The following POLN variants were observed in gnomAD, a reference collection of about 807,000 sequenced individuals.
The protein encoded by POLN is DNA polymerase nu.
POLN carries 108 observed loss-of-function variants against 113.5 expected under a neutral mutation model. The observed-to-expected ratio is 0.95, with a 90% CI of 0.81 to 1.12. The LOEUF (loss-of-function observed/expected upper bound fraction) is 1.12. Ranked by LOEUF, POLN falls within the 50% of genes most tolerant of loss-of-function variation. The probability of loss-of-function intolerance (pLI) is 0.00; values close to 1 mark genes in which losing one functional copy is unlikely to be tolerated. For synonymous variants in POLN, 386 were observed against 391.5 expected (o/e 0.99, Z 0.17); for missense variants, 1,097 against 1,077.1 (o/e 1.02, Z -0.26).
In POLN at chr4:2,241,572, G is replaced by A; in HGVS notation, c.-65C>T. The A allele has an allele frequency of 2.0e-6, 2 of 985,792 alleles. No homozygotes were observed. Among genetic ancestry groups the A allele is most frequent in the Non-Finnish European group, 2.4e-6 (2 of 830,212 alleles). The allele number at this position is 985,792 out of a possible 1,614,324, so 61.1% of individuals were successfully genotyped here. ...CCTCCAGAGTCCACCACCGCGACGC[G>A]GAGAACAGCAGGAGCAGCAGGGAAG... On this transcript the variant is annotated 5_prime_UTR_variant, in exon 2 of 26. Transcript: ENST00000511885.
At chr4:2,220,822 C>T (rs11946464) in intron 3 of POLN, among the ~76,000 whole-genome samples, 9 of 151,770 alleles carry the variant, frequency 5.9e-5, no homozygotes, top group African/African-American at 1.4e-4. Context: ...AGGAGGGGGC[C>T]GCAAAAAAGA....
In POLN at chr4:2,240,399, G is replaced by C. The variant is rs186855447; in HGVS notation, c.-13+1121C>G. On this transcript the variant is annotated intron_variant, in intron 2 of 25. Coordinates refer to ENST00000511885, the MANE Select transcript of POLN (RefSeq NM_181808.4). Reference sequence around the variant, plus strand: ...TGGATTTGTCCCTTGACCTAAATTAGAATGTCTGAAGAACATCATCAATTG... The same window carrying C: ...TGGATTTGTCCCTTGACCTAAATTACAATGTCTGAAGAACATCATCAATTG... 8.9e-5 allele frequency: 143 copies of C among 1,612,098 alleles called. No homozygotes were observed. The East Asian group carries it at 3.0e-3, about 34-fold the overall frequency.
intron 3 of POLN, among the ~76,000 whole-genome samples, chr4:2,224,946 G>C (rs975373818): frequency 6.6e-5 from 10 of 151,176 alleles, no homozygotes; most frequent in South Asian, 4.2e-4. Flanking sequence ...GTGAAACTCT[G>C]TCTTGGGAAA....
chr4:2,155,557 A>C (rs962714759), intron 16 of POLN, among the ~76,000 whole-genome samples: 1 of 152,154 alleles, frequency 6.6e-6, no homozygotes, highest in Non-Finnish European at 1.5e-5. Context: ...CTGACCCTTA[A>C]TGGAGGGAAC....
intron 23 of POLN, among the ~76,000 whole-genome samples, chr4:2,077,393 A>G (rs1403644028): frequency 6.6e-6 from 1 of 152,208 alleles, no homozygotes; most frequent in East Asian, 1.9e-4. Context: ...ACAGGACACT[A>G]CGTGGGCCCA....
chr4:2,228,836 T>C (rs998176188), intron 3 of POLN: 8 of 330,486 alleles, frequency 2.4e-5, no homozygotes, highest in South Asian at 1.8e-4. Flanking sequence ...CTTTTGAAAA[T>C]ACTAAAATAC....
At chr4:2,212,208 C>T (rs1411562622) in intron 4 of POLN, among the ~76,000 whole-genome samples, 3 of 152,170 alleles carry the variant, frequency 2.0e-5, no homozygotes, top group African/African-American at 7.2e-5. Context: ...TTTGGTGATA[C>T]GACCTCTCTG....
rs566140853 is a variant in POLN, at chr4:2,144,976, G to C, written c.1731+11812C>G. ...AAATAGACCAAAGGCACAGAATTGA[G>C]AGCCTAGAAACAGACCTATGCATTT... On this transcript the variant is annotated intron_variant, in intron 16 of 25. Coordinates refer to ENST00000511885, the MANE Select transcript of POLN (RefSeq NM_181808.4). Among the ~76,000 whole-genome samples, 6 of 152,306 alleles carry C rather than the reference G, an allele frequency of 3.9e-5. No homozygotes were observed. In the East Asian group the frequency reaches 9.6e-4, roughly 24 times the overall value.
intron 19 of POLN, among the ~76,000 whole-genome samples, chr4:2,096,245 G>A (rs942811795): frequency 2.6e-5 from 4 of 152,162 alleles, no homozygotes; most frequent in South Asian, 2.1e-4. Flanking sequence ...AGGAAAGGCC[G>A]TTCCCCATAT....
rs769420021 is a variant in POLN, at chr4:2,196,702, T to G, written c.908+1822A>C. Among the ~76,000 whole-genome samples the G allele has an allele frequency of 5.0e-4, 76 of 151,728 alleles. 1 individual carries two copies. Among genetic ancestry groups the G allele is most frequent in the Admixed American group, 2.0e-3 (31 of 15,268 alleles). On this transcript the variant is annotated intron_variant, in intron 6 of 25. Transcript: ENST00000511885. ...GAGGGCAAAACAATAGATTGGGAAT[T>G]TCTTTAATCCCAGTCCTCTCCCCCT...
intron 19 of POLN, among the ~76,000 whole-genome samples, chr4:2,120,341 G>A (rs1731409324): frequency 6.6e-6 from 1 of 152,066 alleles, no homozygotes; most frequent in Admixed American, 6.5e-5. Context: ...AATTTTGGGA[G>A]AATTGACATT....
At chr4:2,164,165 T>C (rs923297600) in intron 13 of POLN, among the ~76,000 whole-genome samples, 1 of 152,178 alleles carries the variant, frequency 6.6e-6, no homozygotes, top group African/African-American at 2.4e-5. Flanking sequence ...TGGACTGCAG[T>C]GACAGCCTAC....
intron 22 of POLN, 50 bp from the exon 23 acceptor site, chr4:2,081,086 G>A: frequency 6.2e-7 from 1 of 1,612,218 alleles, no homozygotes; most frequent in Non-Finnish European, 8.5e-7. Flanking sequence ...ACGGTTCATG[G>A]TGCACTCAGC....
intron 23 of POLN, among the ~76,000 whole-genome samples, chr4:2,078,223 C>A (rs1379694729): frequency 2.6e-5 from 4 of 152,240 alleles, no homozygotes; most frequent in African/African-American, 7.2e-5. Context: ...CCCAGGAAGG[C>A]CTTTTCATAA....
chr4:2,160,191 A>T (rs577147862), intron 13 of POLN, among the ~76,000 whole-genome samples: 72 of 152,294 alleles, frequency 4.7e-4, no homozygotes, highest in Non-Finnish European at 9.9e-4. Context: ...TTAGTTTGTT[A>T]TCTCCCCAGT....
chr4:2,085,554 C>T (rs973323987), intron 21 of POLN, 59 bp downstream of exon 21: 1 of 1,601,450 alleles, frequency 6.2e-7, no homozygotes. Context: ...GCAGCTGTCC[C>T]CCCATCCTCC....
intron 16 of POLN, among the ~76,000 whole-genome samples, chr4:2,149,272 C>T (rs567788582): frequency 3.3e-5 from 5 of 151,404 alleles, no homozygotes; most frequent in Admixed American, 2.0e-4. Context: ...CCAGCCTGGG[C>T]GACAGGAGTG....
intron 21 of POLN, chr4:2,082,815 T>C (rs1444006084): frequency 6.6e-6 from 1 of 152,312 alleles, no homozygotes; most frequent in Non-Finnish European, 1.5e-5. Flanking sequence ...TGCTGGGCAC[T>C]GTGAATTTTA....
Position 2,242,033 on chromosome 4 carries a change from G to A in POLN, c.-284+18C>T, listed in dbSNP as rs1043947432. ...GCCCCACACCCCTGCGCCCAGAACCGAGGCCCGCGTCAGTCACCTCAGGAA... is the reference window on the plus strand; with the variant it reads ...GCCCCACACCCCTGCGCCCAGAACCAAGGCCCGCGTCAGTCACCTCAGGAA... On this transcript the variant is annotated intron_variant, in intron 1 of 25. Coordinates refer to ENST00000511885, the MANE Select transcript of POLN (RefSeq NM_181808.4). 65 of 985,612 alleles carry A rather than the reference G, an allele frequency of 6.6e-5. No homozygotes were observed. In the African/African-American group the frequency reaches 1.0e-3, roughly 16 times the overall value. 61.1% of individuals were successfully genotyped at this position (985,612 alleles called of 1,614,324 possible).
Sources: allele counts gnomAD v4.1 joint callset (sites outside exome capture counted in the v4.1 genomes callset), GRCh38; gene constraint gnomAD v4.1.1; transcripts MANE v1.5; gene names NCBI Gene and HGNC (gene_info 2026-07-23, HGNC 2026-07-21).